Variants in RNF135 observed in about 807,000 individuals in gnomAD.
The protein encoded by RNF135 is E3 ubiquitin-protein ligase RNF135.
Under a neutral mutation model 41.9 loss-of-function variants are expected in RNF135, and 46 were observed. That is an observed-to-expected ratio of 1.10 (90% CI 0.87 to 1.40). The LOEUF is 1.40. Among genes scored for constraint, RNF135 ranks in the 40% most tolerant of loss-of-function variants. The pLI is 0.00. For missense variants in RNF135, 539 were observed against 549.8 expected, an observed-to-expected ratio of 0.98 and a Z score of 0.20; for synonymous variants, 238 against 223.8, an observed-to-expected ratio of 1.06 and a Z score of -0.57.
chr17:30,962,421 C>T, the RNF135 span, among the ~76,000 whole-genome samples: 1 of 151,870 alleles, frequency 6.6e-6, no homozygotes, highest in Non-Finnish European at 1.5e-5. Context: ...CATGAGCCAC[C>T]GCGCCTGGCC....
chr17:30,988,900 GT>G (rs1245302300), intron 3 of RNF135, among the ~76,000 whole-genome samples: 2 of 124,926 alleles, frequency 1.6e-5, no homozygotes, highest in South Asian at 2.7e-4. Context: ...TTTTGCGTTG[GT>G]TTTTTTTTTC....
intron 1 of RNF135, among the ~76,000 whole-genome samples, chr17:30,982,269 A>C (rs546420926): frequency 3.3e-5 from 5 of 152,174 alleles, no homozygotes; most frequent in African/African-American, 4.8e-5. Flanking sequence ...CACAGTGGAG[A>C]GGCTTGCCAG....
chr17:30,965,208 TG>T, the RNF135 span: 4 of 151,960 alleles, frequency 2.6e-5, no homozygotes, highest in African/African-American at 9.7e-5. Flanking sequence ...TAACAGGGCA[TG>T]GTGGCATGTG....
At chr17:30,987,647 A>C (rs1300756602) in intron 2 of RNF135, among the ~76,000 whole-genome samples, 1 of 152,218 alleles carries the variant, frequency 6.6e-6, no homozygotes, top group Non-Finnish European at 1.5e-5. Context: ...TTACCTAAGA[A>C]ATCCATGTTT....
intron 1 of RNF135, among the ~76,000 whole-genome samples, chr17:30,979,765 C>T (rs1598085451): frequency 1.9e-5 from 2 of 106,840 alleles, no homozygotes; most frequent in African/African-American, 3.4e-5. Flanking sequence ...AGGGGGCTGA[C>T]CCCCCTCCCC....
the RNF135 span, among the ~76,000 whole-genome samples, chr17:30,962,140 T>C: frequency 6.6e-6 from 1 of 152,066 alleles, no homozygotes; most frequent in Admixed American, 6.6e-5. Context: ...GCTGCACTTT[T>C]TTTTTTTTCC....
At chr17:30,989,984 CAAA>C (rs10627734) in intron 3 of RNF135, among the ~76,000 whole-genome samples, 1 of 55,316 alleles carries the variant, frequency 1.8e-5, no homozygotes. Context: ...AACTCTGTCT[CAAA>C]AAAAAAAAAA....
At chr17:30,998,394 A>T (rs111929668) in intron 4 of RNF135, among the ~76,000 whole-genome samples, 30 of 152,332 alleles carry the variant, frequency 2.0e-4, no homozygotes, top group African/African-American at 6.3e-4. Flanking sequence ...AATTTTAAAA[A>T]TAAATAAATA....
chr17:30,989,184 A>G (rs1456537300), intron 3 of RNF135, among the ~76,000 whole-genome samples: 1 of 151,674 alleles, frequency 6.6e-6, no homozygotes, highest in Non-Finnish European at 1.5e-5. Flanking sequence ...AGCCTGGACT[A>G]CAGAGAGAGA....
rs10627734 is a variant in RNF135 at position 30,989,984 on chromosome 17, C to CAAA, written c.679+1897_679+1899dup. Among the ~76,000 whole-genome samples the CAAA allele has an allele frequency of 1.2e-3, 64 of 55,170 alleles. 1 individual carries two copies. The highest frequency in any genetic ancestry group is 2.7e-3 in the African/African-American group (52 of 19,406). 36.2% of individuals were successfully genotyped at this position (55,170 alleles called of 152,430 possible). A position where few individuals can be genotyped will look rare whatever the true frequency, so the allele number is the denominator to read the frequency against. On this transcript the variant is annotated intron_variant, in intron 3 of 4. Transcript: ENST00000328381. ...GGGCAACAAGAGTGAAACTCTGTCT[C>CAAA]AAAAAAAAAAAAAAAAAAAAAGAAT...
At chr17:30,998,016 C>T (rs1908483410) in intron 4 of RNF135, among the ~76,000 whole-genome samples, 1 of 152,208 alleles carries the variant, frequency 6.6e-6, no homozygotes. Context: ...GTATAAACAG[C>T]TGTGGTCATA....
At chr17:30,992,680 TG>T (rs1287708675) in intron 3 of RNF135, among the ~76,000 whole-genome samples, 2 of 152,106 alleles carry the variant, frequency 1.3e-5, no homozygotes, top group African/African-American at 2.4e-5. Context: ...TTTCCTAGGC[TG>T]GCCTGGAACT....
chr17:30,983,337 ATATATATATATATATATTTTT>A (rs1290433810), intron 1 of RNF135, among the ~76,000 whole-genome samples: 1 of 25,718 alleles, frequency 3.9e-5, no homozygotes, highest in Non-Finnish European at 1.0e-4. Flanking sequence ...ATATATATAT[ATATATATATATATATATTTTT>A]TTTTTTTTTT....
upstream of RNF135, among the ~76,000 whole-genome samples, chr17:30,967,046 T>G (rs1905579841): frequency 6.6e-6 from 1 of 152,128 alleles, no homozygotes; most frequent in Non-Finnish European, 1.5e-5. Flanking sequence ...GATAAATGCT[T>G]CTTTTTTTGA....
intron 1 of RNF135, among the ~76,000 whole-genome samples, chr17:30,981,769 C>G (rs941657247): frequency 6.6e-6 from 1 of 152,252 alleles, no homozygotes; most frequent in African/African-American, 2.4e-5. Flanking sequence ...GGGGGCACCC[C>G]AAGCCCAGTA....
chr17:30,965,077 G>C, the RNF135 span: 1 of 152,022 alleles, frequency 6.6e-6, no homozygotes, highest in South Asian at 2.1e-4. Context: ...AGGGCTGGAC[G>C]TGGTGACTCA....
upstream of RNF135, chr17:30,970,730 G>C (rs1246402798): frequency 5.9e-6 from 2 of 338,442 alleles, no homozygotes; most frequent in Admixed American, 9.7e-5. Context: ...TTTTTTTTAA[G>C]CCAACGGACG....
At chr17:30,965,331 TG>T in the RNF135 span, 1 of 152,016 alleles carries the variant, frequency 6.6e-6, no homozygotes, top group Non-Finnish European at 1.5e-5. Flanking sequence ...ACAAAGACCC[TG>T]TCTCAAAAAA....
In RNF135 at chr17:30,983,333, A is replaced by G. The variant is rs1237602869; in HGVS notation, c.373-1284A>G. Among the ~76,000 whole-genome samples, 3 of 26,472 alleles carry G rather than the reference A, an allele frequency of 1.1e-4. 1 individual carries two copies. The East Asian group carries it at 3.8e-3, about 34-fold the overall frequency. The allele number at this position is 26,472 out of a possible 152,430, so 17.4% of individuals were successfully genotyped here. ...TACATATATGTACATATATATATAT[A>G]TATATATATATATATATATATTTTT... On this transcript the variant is annotated intron_variant, in intron 1 of 4. Coordinates refer to ENST00000328381, the MANE Select transcript of RNF135 (RefSeq NM_032322.4).
Sources: allele counts gnomAD v4.1 joint callset (sites outside exome capture counted in the v4.1 genomes callset), GRCh38; gene constraint gnomAD v4.1.1; transcripts MANE v1.5; gene names NCBI Gene and HGNC (gene_info 2026-07-23, HGNC 2026-07-21).